Variants in CERS6 observed in about 807,000 individuals in gnomAD.
CERS6 encodes the protein LAG1 homolog, ceramide synthase 6.
A neutral mutation model predicts 56.8 loss-of-function variants in CERS6; 26 were observed. The observed-to-expected ratio is 0.46, with a 90% CI of 0.34 to 0.63. The LOEUF is 0.63. CERS6 is among the 30% of genes least tolerant of loss of function. The pLI is 0.01. For synonymous variants in CERS6, 164 were observed against 173.3 expected (o/e 0.95, Z 0.42); for missense variants, 415 against 467.5 (o/e 0.89, Z 1.04).
At chr2:168,484,167 G>GTTTTTTTTTTTTTTTTTTTTT (rs34492119) in intron 1 of CERS6, among the ~76,000 whole-genome samples, 1 of 51,610 alleles carries the variant, frequency 1.9e-5, no homozygotes, top group Non-Finnish European at 3.7e-5. Flanking sequence ...TCTTTTTTCT[G>GTTTTTTTTTTTTTTTTTTTTT]TTTTTTTTTT....
intron 3 of CERS6, among the ~76,000 whole-genome samples, chr2:168,597,249 A>T (rs908068005): frequency 3.3e-5 from 5 of 152,212 alleles, no homozygotes; most frequent in African/African-American, 1.2e-4. Flanking sequence ...GTAGAGCATT[A>T]TTTATTATAT....
intron 8 of CERS6, among the ~76,000 whole-genome samples, chr2:168,762,802 T>A (rs1403663245): frequency 6.6e-6 from 1 of 152,204 alleles, no homozygotes; most frequent in African/African-American, 2.4e-5. Context: ...CTCATTCTAG[T>A]CTATAAATAG....
intron 6 of CERS6, among the ~76,000 whole-genome samples, chr2:168,698,255 GAAAA>G (rs869056813): frequency 5.6e-5 from 1 of 17,976 alleles, no homozygotes; most frequent in Non-Finnish European, 3.0e-4. Context: ...AAAAAAAAAA[GAAAA>G]AAAAAAAAAA....
At chr2:168,587,307 A>G (rs1683567681) in intron 3 of CERS6, among the ~76,000 whole-genome samples, 1 of 152,162 alleles carries the variant, frequency 6.6e-6, no homozygotes, top group Non-Finnish European at 1.5e-5. Context: ...CCCTCTGTGG[A>G]TTTCATGAAA....
intron 3 of CERS6, among the ~76,000 whole-genome samples, chr2:168,566,112 T>C (rs1335366761): frequency 6.6e-6 from 1 of 152,224 alleles, no homozygotes; most frequent in African/African-American, 2.4e-5. Flanking sequence ...ACCCTGCCTG[T>C]GCTCATCATT....
chr2:168,658,992 C>T (rs1326507590), intron 4 of CERS6, among the ~76,000 whole-genome samples: 5 of 152,240 alleles, frequency 3.3e-5, no homozygotes, highest in African/African-American at 1.2e-4. Context: ...TATCAGGATA[C>T]CCTGTATCAC....
intron 1 of CERS6, among the ~76,000 whole-genome samples, chr2:168,466,083 A>G (rs1436425867): frequency 7.0e-6 from 1 of 141,930 alleles, no homozygotes; most frequent in Non-Finnish European, 1.5e-5. Context: ...ATCGTCTGGC[A>G]TAGGTGGGTG....
chr2:168,592,929 A>G (rs1193746923), intron 3 of CERS6, among the ~76,000 whole-genome samples: 1 of 152,164 alleles, frequency 6.6e-6, no homozygotes, highest in East Asian at 1.9e-4. Context: ...AAGTGGTTTC[A>G]CTGGGATAAA....
intron 4 of CERS6, among the ~76,000 whole-genome samples, chr2:168,642,088 G>A: frequency 6.8e-6 from 1 of 146,134 alleles, no homozygotes; most frequent in African/African-American, 2.7e-5. Context: ...ATGATCTACT[G>A]TAGGCAGGGG....
At chr2:168,481,313 G>A (rs1424143290) in intron 1 of CERS6, among the ~76,000 whole-genome samples, 1 of 152,198 alleles carries the variant, frequency 6.6e-6, no homozygotes, top group Non-Finnish European at 1.5e-5. Flanking sequence ...TACTCTGGAG[G>A]CTGAGGCAGG....
At chr2:168,531,755 AG>A (rs577464954) in intron 1 of CERS6, among the ~76,000 whole-genome samples, 54 of 149,306 alleles carry the variant, frequency 3.6e-4, no homozygotes, top group African/African-American at 1.3e-3. Flanking sequence ...TGAGAGGTGG[AG>A]GTTGCAGTGA....
At chr2:168,561,655 G>C (rs1695792290) in intron 3 of CERS6, among the ~76,000 whole-genome samples, 2 of 152,144 alleles carry the variant, frequency 1.3e-5, no homozygotes, top group African/African-American at 4.8e-5. Flanking sequence ...TTTTAGTAAA[G>C]GCAAAGGCAA....
At chr2:168,627,030 A>G (rs531426376) in intron 3 of CERS6, among the ~76,000 whole-genome samples, 1 of 152,256 alleles carries the variant, frequency 6.6e-6, no homozygotes, top group African/African-American at 2.4e-5. Context: ...ACAGAGGTAA[A>G]TTTATGTGTT....
At chr2:168,701,226 ATTGCTG>A (rs1447840785) in intron 6 of CERS6, among the ~76,000 whole-genome samples, 13 of 152,304 alleles carry the variant, frequency 8.5e-5, no homozygotes, top group South Asian at 4.1e-4. Flanking sequence ...GGACTTTGTA[ATTGCTG>A]CATATCTTAG....
At chr2:168,582,273 C>G (rs989679557) in intron 3 of CERS6, among the ~76,000 whole-genome samples, 1 of 152,138 alleles carries the variant, frequency 6.6e-6, no homozygotes, top group African/African-American at 2.4e-5. Flanking sequence ...ATTCTTCCCC[C>G]TTTCCTCCAG....
intron 1 of CERS6, among the ~76,000 whole-genome samples, chr2:168,504,407 C>CAGGG (rs1331020216): frequency 1.3e-5 from 2 of 151,794 alleles, no homozygotes; most frequent in African/African-American, 4.8e-5. Context: ...TGCATTGTAA[C>CAGGG]AGGGTAGAGT....
At chr2:168,535,368 G>A (rs1396130135) in intron 1 of CERS6, among the ~76,000 whole-genome samples, 1 of 152,164 alleles carries the variant, frequency 6.6e-6, no homozygotes, top group African/African-American at 2.4e-5. Context: ...TGATCCATGG[G>A]TTGCACCATT....
At chr2:168,496,972 A>C (rs549646462) in intron 1 of CERS6, among the ~76,000 whole-genome samples, 6 of 152,218 alleles carry the variant, frequency 3.9e-5, no homozygotes, top group Admixed American at 3.9e-4. Flanking sequence ...AATGCCATCA[A>C]TATACCTGTC....
intron 3 of CERS6, among the ~76,000 whole-genome samples, chr2:168,581,659 A>G (rs1032049268): frequency 1.3e-5 from 2 of 152,204 alleles, no homozygotes; most frequent in Non-Finnish European, 1.5e-5. Flanking sequence ...TTCAGTTTTC[A>G]TAGTTTCCTG....
Sources: gnomAD v4.1 joint callset for allele counts (sites outside exome capture counted in the v4.1 genomes callset) on GRCh38, gnomAD v4.1.1 for gene constraint, MANE v1.5 for transcripts, NCBI Gene and HGNC (gene_info 2026-07-23, HGNC 2026-07-21) for gene names.